The following SLC35D1 variants were observed in gnomAD, a reference collection of about 807,000 sequenced individuals.
SLC35D1 encodes the protein solute carrier family 35 member D1.
In SLC35D1, 31 loss-of-function variants were observed where a neutral mutation model predicts 46.7. The ratio of observed to expected loss-of-function variants is 0.66; its 90% CI spans 0.50 to 0.90. The LOEUF (loss-of-function observed/expected upper bound fraction) is 0.90. Among genes scored for constraint, SLC35D1 ranks in the 40% least tolerant of loss-of-function variants. SLC35D1 has a pLI of 0.00. For synonymous variants in SLC35D1, 195 were observed against 164.6 expected, an observed-to-expected ratio of 1.18 and a Z score of -1.41; for missense variants, 397 against 426.2, an observed-to-expected ratio of 0.93 and a Z score of 0.60.
intron 3 of SLC35D1, among the ~76,000 whole-genome samples, chr1:67,052,529 TCAA>T (rs1463054548): frequency 6.6e-6 from 1 of 152,194 alleles, no homozygotes; most frequent in African/African-American, 2.4e-5. Context: ...TATTGTACTC[TCAA>T]CAAGTGTGCA....
intron 8 of SLC35D1, among the ~76,000 whole-genome samples, chr1:67,038,651 T>C (rs1668173493): frequency 6.6e-6 from 1 of 152,224 alleles, no homozygotes. Flanking sequence ...TCTGCCTTTA[T>C]CTATGTTAAC....
Position 67,039,790 on chromosome 1 carries a change from T to C in SLC35D1, c.729+2446A>G, listed in dbSNP as rs1224392154. 2.0e-5 allele frequency among the ~76,000 whole-genome samples: 3 copies of C among 152,218 alleles called. No homozygotes were observed. In the East Asian group the frequency reaches 5.8e-4, roughly 29 times the overall value. Reference sequence around the variant, plus strand: ...TGAGAATAGCTGCCTGTTTCCACAATGACATGGCTTTTACTCCTCAGAAAC... The same window carrying C: ...TGAGAATAGCTGCCTGTTTCCACAACGACATGGCTTTTACTCCTCAGAAAC... On this transcript the variant is annotated intron_variant, in intron 8 of 11. Transcript: ENST00000235345.
In SLC35D1 at chr1:67,042,217, C is replaced by T. The variant is rs770397986; in HGVS notation, c.729+19G>A. The T allele has an allele frequency of 3.5e-5, 56 of 1,600,384 alleles. No individual in the cohort carries two copies. The highest frequency in any genetic ancestry group is 8.9e-5 in the East Asian group (4 of 44,822). On this transcript the variant is annotated intron_variant, in intron 8 of 11. Transcript: ENST00000235345. ...AGTTCATCAACGTAAGCCATTAAAC[C>T]GTAATTAGAAAGTCCTACCTTTTGT...
intron 11 of SLC35D1, among the ~76,000 whole-genome samples, chr1:67,004,722 A>G (rs1015032975): frequency 6.6e-6 from 1 of 152,238 alleles, no homozygotes; most frequent in African/African-American, 2.4e-5. Flanking sequence ...TTAAATGAAC[A>G]TGAGTATGTA....
chr1:67,035,986 T>G (rs563251889), intron 8 of SLC35D1, among the ~76,000 whole-genome samples: 1 of 152,216 alleles, frequency 6.6e-6, no homozygotes, highest in South Asian at 2.1e-4. Context: ...TTAATTTCCA[T>G]GTATTCAAAA....
chr1:67,054,107 A>C lies in SLC35D1; in HGVS notation c.-94T>G. The C allele has an allele frequency of 7.8e-7, 1 of 1,282,768 alleles. No individual in the cohort carries two copies. Among genetic ancestry groups the C allele is most frequent in the South Asian group, 1.3e-5 (1 of 74,116 alleles). 79.5% of individuals were successfully genotyped at this position (1,282,768 alleles called of 1,614,324 possible). On this transcript the variant is annotated 5_prime_UTR_variant, in exon 1 of 12. Transcript: ENST00000235345. ...GGGGACTCCAGGAGTTGGGGACCGC[A>C]GACTAGGCCAGCTGCGCGCTCGCCG...
intron 1 of SLC35D1, 58 bp downstream of exon 1, chr1:67,053,753 G>A (rs1428047048): frequency 2.2e-6 from 3 of 1,337,072 alleles, no homozygotes; most frequent in South Asian, 1.7e-5. Context: ...CCGGCGCCGC[G>A]CCGCCGCCGC....
intron 7 of SLC35D1, among the ~76,000 whole-genome samples, chr1:67,044,401 T>A (rs888728901): frequency 1.1e-4 from 16 of 150,504 alleles, no homozygotes; most frequent in African/African-American, 3.6e-4. Flanking sequence ...AGCTATACAA[T>A]GAAACATTAC....
At chr1:66,992,778 T>C in the SLC35D1 span, among the ~76,000 whole-genome samples, 1 of 152,242 alleles carries the variant, frequency 6.6e-6, no homozygotes, top group Non-Finnish European at 1.5e-5. Context: ...TGGGTTTATT[T>C]GGCTACAACA....
At chr1:66,974,009 AT>A in the SLC35D1 span, among the ~76,000 whole-genome samples, 2 of 151,892 alleles carry the variant, frequency 1.3e-5, no homozygotes, top group African/African-American at 2.4e-5. Context: ...CATATTTAAT[AT>A]TTTTTGTTAT....
chr1:66,997,570 T>TAG (rs1667254684), downstream of SLC35D1, among the ~76,000 whole-genome samples: 2 of 133,732 alleles, frequency 1.5e-5, no homozygotes, highest in African/African-American at 5.5e-5. Flanking sequence ...TCTGTGTGTG[T>TAG]ATATATATAC....
At chr1:67,052,419 C>T (rs1480981805) in intron 3 of SLC35D1, among the ~76,000 whole-genome samples, 2 of 152,082 alleles carry the variant, frequency 1.3e-5, no homozygotes, top group Non-Finnish European at 2.9e-5. Context: ...ATTTCATCTT[C>T]GTTTGGAGTC....
chr1:66,996,905 T>G (rs999118904), downstream of SLC35D1, among the ~76,000 whole-genome samples: 6 of 152,218 alleles, frequency 3.9e-5, no homozygotes, highest in Non-Finnish European at 8.8e-5. Context: ...GACAATCTCT[T>G]CAACAAATGG....
intron 8 of SLC35D1, among the ~76,000 whole-genome samples, chr1:67,034,487 C>G (rs1414984978): frequency 6.6e-6 from 1 of 152,048 alleles, no homozygotes; most frequent in African/African-American, 2.4e-5. Context: ...ATTTCCTTTT[C>G]AAATCGTTTG....
chr1:66,987,604 T>G, the SLC35D1 span: 1 of 152,740 alleles, frequency 6.5e-6, no homozygotes, highest in African/African-American at 2.4e-5. Context: ...GTAAAATAAT[T>G]CCCTTCTCCC....
chr1:67,004,597 A>G (rs1450725931), intron 11 of SLC35D1, 149 bp from the exon 12 acceptor site: 2 of 681,882 alleles, frequency 2.9e-6, no homozygotes, highest in Non-Finnish European at 5.2e-6. Context: ...CTATGCATCC[A>G]TTAAAATGGT....
At chr1:67,038,853 A>AC (rs61064674) in intron 8 of SLC35D1, among the ~76,000 whole-genome samples, 17,261 of 148,558 alleles carry the variant, frequency 0.12, 1,064 homozygotes, top group Admixed American at 0.15. Context: ...ACACACACAC[A>AC]AACACACACA....
chr1:67,041,298 T>A (rs1668236844), intron 8 of SLC35D1, among the ~76,000 whole-genome samples: 1 of 152,186 alleles, frequency 6.6e-6, no homozygotes, highest in Non-Finnish European at 1.5e-5. Flanking sequence ...TACACGTATA[T>A]TCAAGATGAC....
intron 1 of SLC35D1, among the ~76,000 whole-genome samples, chr1:67,053,559 G>A (rs895407098): frequency 6.6e-6 from 1 of 152,062 alleles, no homozygotes; most frequent in African/African-American, 2.4e-5. Context: ...GTGCGCCCAG[G>A]GCATGGCAGG....
Sources: allele counts gnomAD v4.1 joint callset (sites outside exome capture counted in the v4.1 genomes callset), GRCh38; gene constraint gnomAD v4.1.1; transcripts MANE v1.5; gene names NCBI Gene and HGNC (gene_info 2026-07-23, HGNC 2026-07-21).